COL6A2: variants seen among roughly 807,000 people sequenced by gnomAD.
COL6A2 encodes collagen type VI alpha 2 chain, also known as collagen alpha-2(VI) chain.
A neutral mutation model predicts 124.9 loss-of-function variants in COL6A2; 90 were observed. The observed-to-expected ratio is 0.72, with a 90% CI of 0.61 to 0.86. COL6A2 has a LOEUF of 0.86. COL6A2 is among the 40% of genes least tolerant of loss of function. The probability of loss-of-function intolerance (pLI) is 0.00; values close to 1 mark genes in which losing one functional copy is unlikely to be tolerated. For missense variants in COL6A2, 1,607 were observed against 1,502.5 expected (o/e 1.07, Z -1.15); for synonymous variants, 793 against 618.2 (o/e 1.28, Z -4.19).
Position 46,130,187 on chromosome 21 carries a change from C to T in COL6A2, c.2462-1767C>T, listed in dbSNP as rs561690194. On this transcript the variant is annotated intron_variant, in intron 27 of 27. Transcript: ENST00000300527. ...TCATGCACAGTAGGGCGAATGGCCACAGCTGCCTGCCAGCAGCCCTGATCC... is the reference window on the plus strand; with the variant it reads ...TCATGCACAGTAGGGCGAATGGCCATAGCTGCCTGCCAGCAGCCCTGATCC... Among the ~76,000 whole-genome samples the T allele has an allele frequency of 4.5e-4, 68 of 152,332 alleles. 1 individual carries two copies. The South Asian group carries it at 0.014, about 32-fold the overall frequency.
At position 46,132,617 on chromosome 21, in the gene COL6A2, C is replaced by A; in HGVS notation, c.*65C>A. On this transcript the variant is annotated 3_prime_UTR_variant, in exon 28 of 28. Transcript: ENST00000300527. The stretch of plus-strand genomic sequence containing the variant: ...ACCCCGTCCATGGTGCTAAGCGGGC[C>A]CGGGTCCCACACGGCCAGCACCGCT... 1 of 1,452,770 alleles carries A rather than the reference C, an allele frequency of 6.9e-7. No individual in the cohort carries two copies. Among genetic ancestry groups the A allele is most frequent in the Non-Finnish European group, 9.4e-7 (1 of 1,068,510 alleles). 90.0% of individuals were successfully genotyped at this position (1,452,770 alleles called of 1,614,324 possible). A position where few individuals can be genotyped will look rare whatever the true frequency, so the allele number is the denominator to read the frequency against.
chr21:46,114,307 C>G (rs922856288), intron 5 of COL6A2, among the ~76,000 whole-genome samples: 1 of 151,980 alleles, frequency 6.6e-6, no homozygotes, highest in Non-Finnish European at 1.5e-5. Context: ...CGCCTGTAGT[C>G]CCAGCTACTC....
In COL6A2 at chr21:46,127,642, C is replaced by A. The variant is rs530327067; in HGVS notation, c.2461+1101C>A. Among the ~76,000 whole-genome samples the A allele has an allele frequency of 1.1e-4, 17 of 152,254 alleles. No homozygotes were observed. In the East Asian group the frequency reaches 3.3e-3, roughly 30 times the overall value. On this transcript the variant is annotated intron_variant, in intron 27 of 27. Transcript: ENST00000300527. ...CAGACCTTGGCTCCTCCACCCACCC[C>A]CTCGTTCCTGATGGGGCAGGGAAGT...
At chr21:46,117,205 T>C (rs1383773959) in intron 10 of COL6A2, among the ~76,000 whole-genome samples, 195 bp from the exon 11 acceptor site, 2 of 152,212 alleles carry the variant, frequency 1.3e-5, no homozygotes, top group East Asian at 3.9e-4. Flanking sequence ...AGGGATGGCC[T>C]GTTCCTGCAC....
In COL6A2 at chr21:46,116,312, G is replaced by A; in HGVS notation, c.901-65G>A. On this transcript the variant is annotated intron_variant, in intron 7 of 27. Transcript: ENST00000300527. This position sits in a 1 kb window ranked among gnomAD's most constrained non-coding sequence, Gnocchi z 4.6. ...AGCACTCCCCTCAGCCTGCAGGGCT[G>A]GCCCTTCCCTGCCTGTGTCTCTGCA... 1.3e-6 allele frequency: 2 copies of A among 1,579,590 alleles called. No homozygotes were observed. Among genetic ancestry groups the A allele is most frequent in the South Asian group, 1.1e-5 (1 of 89,702 alleles).
At chr21:46,107,402 A>G (rs1256442649) in intron 1 of COL6A2, among the ~76,000 whole-genome samples, 2 of 152,322 alleles carry the variant, frequency 1.3e-5, no homozygotes, top group East Asian at 3.9e-4. Context: ...CACGACCAAG[A>G]AGAAAATAAA....
chr21:46,123,915 ATAGAGGATGGATGGTTGG>A (rs1371336868), intron 21 of COL6A2, among the ~76,000 whole-genome samples: 2 of 126,190 alleles, frequency 1.6e-5, no homozygotes, highest in Non-Finnish European at 3.5e-5. Context: ...GGGTGGGTGG[ATAGAGGATGGATGGTTGG>A]GTAGGTGATG....
chr21:46,123,290 C>G (rs73908535), intron 21 of COL6A2, among the ~76,000 whole-genome samples: 2 of 139,934 alleles, frequency 1.4e-5, no homozygotes, highest in African/African-American at 5.8e-5. Context: ...AACATAGCAT[C>G]CCCTCCAGAG....
At chr21:46,128,902 G>A (rs1417692102) in intron 27 of COL6A2, 3 of 1,612,004 alleles carry the variant, frequency 1.9e-6, no homozygotes, top group Non-Finnish European at 1.7e-6. Context: ...CTCCGGCACA[G>A]GTTTGGACGG....
At chr21:46,106,617 G>T (rs1487956015) in intron 1 of COL6A2, among the ~76,000 whole-genome samples, 1 of 152,164 alleles carries the variant, frequency 6.6e-6, no homozygotes. Context: ...TTTTCCTGGA[G>T]TTTATTTGGG....
intron 1 of COL6A2, among the ~76,000 whole-genome samples, chr21:46,103,999 A>G (rs895524173): frequency 6.6e-6 from 1 of 152,242 alleles, no homozygotes; most frequent in Admixed American, 6.5e-5. Context: ...GCTCAGGGGA[A>G]GTCACGGGCT....
At chr21:46,102,518 A>G (rs1439005453) in intron 1 of COL6A2, among the ~76,000 whole-genome samples, 1 of 152,184 alleles carries the variant, frequency 6.6e-6, no homozygotes, top group African/African-American at 2.4e-5. Context: ...TATGATGTTC[A>G]CTGTGGCTTT....
intron 12 of COL6A2, 124 bp downstream of exon 12, chr21:46,118,060 C>T (rs2078503946): frequency 2.2e-6 from 2 of 908,856 alleles, no homozygotes; most frequent in Non-Finnish European, 3.4e-6. Context: ...CAGTGAGGAG[C>T]CAATGGCCGT....
Position 46,099,889 on chromosome 21 carries a change from C to CTTTTTTTTTTTTTTTTT in COL6A2, c.-28+1723_-28+1739dup, listed in dbSNP as rs869028897. Among the ~76,000 whole-genome samples, 10 of 91,840 alleles carry CTTTTTTTTTTTTTTTTT rather than the reference C, an allele frequency of 1.1e-4. 1 individual carries two copies. The highest frequency in any genetic ancestry group is 7.9e-4 in the East Asian group (2 of 2,540). The allele number at this position is 91,840 out of a possible 152,430, so 60.3% of individuals were successfully genotyped here. A position where few individuals can be genotyped will look rare whatever the true frequency, so the allele number is the denominator to read the frequency against. Reference sequence around the variant, plus strand: ...TCTCCACAATGGATAGCAGCACTGTCTTTTTTTTTTTTTTTTTTTTTTTCT... The same window carrying CTTTTTTTTTTTTTTTTT: ...TCTCCACAATGGATAGCAGCACTGTCTTTTTTTTTTTTTTTTTTTTTTTTTTTTTTTTTTTTTTTTCT... On this transcript the variant is annotated intron_variant, in intron 1 of 27. Transcript: ENST00000300527.
intron 27 of COL6A2, chr21:46,129,495 C>G (rs1015272546): frequency 6.4e-7 from 1 of 1,564,294 alleles, no homozygotes; most frequent in South Asian, 1.2e-5. Flanking sequence ...CTGCTAAAGC[C>G]CGGGCACCCG....
intron 27 of COL6A2, among the ~76,000 whole-genome samples, chr21:46,130,705 T>G (rs1400675869): frequency 6.6e-6 from 1 of 152,190 alleles, no homozygotes; most frequent in Non-Finnish European, 1.5e-5. Context: ...CTCCATATGT[T>G]TGGTGACAGC....
intron 27 of COL6A2, among the ~76,000 whole-genome samples, chr21:46,128,469 T>G (rs1193003498): frequency 3.5e-5 from 5 of 144,038 alleles, no homozygotes; most frequent in African/African-American, 1.2e-4. Flanking sequence ...GGGCACTGGG[T>G]GGACACCACT....
At chr21:46,129,758 G>T in intron 27 of COL6A2, 1 of 1,337,624 alleles carries the variant, frequency 7.5e-7, no homozygotes, top group Non-Finnish European at 9.6e-7. Flanking sequence ...TGAATTTAAG[G>T]CCCACCCCAA....
chr21:46,116,436 G>A lies in COL6A2; in HGVS notation c.927+33G>A. The A allele has an allele frequency of 6.2e-7, 1 of 1,612,084 alleles. No homozygotes were observed. Among genetic ancestry groups the A allele is most frequent in the East Asian group, 2.2e-5 (1 of 44,842 alleles). ...TCTTGCCCTGACAGACCTCAGACCTGCGCCAGCCTCGGCCCAGACCCACCT... is the reference window on the plus strand; with the variant it reads ...TCTTGCCCTGACAGACCTCAGACCTACGCCAGCCTCGGCCCAGACCCACCT... On this transcript the variant is annotated intron_variant, in intron 8 of 27. Coordinates refer to ENST00000300527, the MANE Select transcript of COL6A2 (RefSeq NM_001849.4). The surrounding 1 kb of genome is among the most constrained non-coding windows in gnomAD (Gnocchi z 4.6).
Sources: gnomAD v4.1 joint callset for allele counts (sites outside exome capture counted in the v4.1 genomes callset) on GRCh38, gnomAD v4.1.1 for gene constraint, Gnocchi (gnomAD v3.1) non-coding constraint, MANE v1.5 for transcripts, NCBI Gene and HGNC (gene_info 2026-07-23, HGNC 2026-07-21) for gene names.